The following NRBP1 variants were observed in gnomAD, a reference collection of about 807,000 sequenced individuals.
NRBP1 encodes the protein nuclear receptor-binding protein.
NRBP1 carries 10 observed loss-of-function variants against 76.0 expected under a neutral mutation model. The observed-to-expected ratio is 0.13, with a 90% CI of 0.08 to 0.22. The LOEUF is 0.22. Among genes scored for constraint, NRBP1 ranks in the 10% least tolerant of loss-of-function variants. The pLI is 1.00. For missense variants in NRBP1, 344 were observed against 646.0 expected (o/e 0.53, Z 5.07); for synonymous variants, 235 against 240.2 (o/e 0.98, Z 0.20).
intron 7 of NRBP1, chr2:27,435,898 C>T (rs1173531092): frequency 1.6e-5 from 11 of 672,566 alleles, no homozygotes; most frequent in African/African-American, 7.1e-5. Flanking sequence ...GCCAGCCCTC[C>T]GCCTGCTTGC....
intron 1 of NRBP1, among the ~76,000 whole-genome samples, chr2:27,429,012 C>T (rs1361452715): frequency 7.1e-6 from 1 of 139,930 alleles, no homozygotes; most frequent in African/African-American, 2.5e-5. Flanking sequence ...CTTGGAACTC[C>T]GGCTGCGAGA....
In NRBP1 at chr2:27,436,734, G is replaced by T. The variant is rs1305601177; in HGVS notation, c.662-19G>T. ...TTCATTGATGATGGTCAGATTGTGG[G>T]TGTCTCCCCTACTCCCAGTGGCTCC... On this transcript the variant is annotated intron_variant, in intron 7 of 17. Transcript: ENST00000379852. 6.2e-7 allele frequency: 1 copy of T among 1,604,612 alleles called. No homozygotes were observed. Among genetic ancestry groups the T allele is most frequent in the East Asian group, 2.2e-5 (1 of 44,840 alleles).
At chr2:27,431,374 G>A (rs1664109581) in intron 1 of NRBP1, among the ~76,000 whole-genome samples, 1 of 152,194 alleles carries the variant, frequency 6.6e-6, no homozygotes, top group African/African-American at 2.4e-5. Context: ...TTTGAGCAAT[G>A]TGAATGAAAT....
chr2:27,428,926 G>T (rs1291926076), intron 1 of NRBP1, among the ~76,000 whole-genome samples, 195 bp downstream of exon 1: 2 of 151,992 alleles, frequency 1.3e-5, no homozygotes, highest in Non-Finnish European at 2.9e-5. Context: ...TCGCTGCTTA[G>T]CCCTCCCTGG....
chr2:27,431,546 ATGT>A (rs1464097241), intron 1 of NRBP1: 1 of 152,170 alleles, frequency 6.6e-6, no homozygotes, highest in African/African-American at 2.4e-5. Flanking sequence ...GAAAAAAAAA[ATGT>A]TGTTAACCAA....
Position 27,441,776 on chromosome 2 carries a change from T to C in NRBP1, c.1572T>C (p.Ser524=). 6.2e-7 allele frequency: 1 copy of C among 1,613,744 alleles called. No homozygotes were observed. The highest frequency in any genetic ancestry group is 8.5e-7 in the Non-Finnish European group (1 of 1,179,652). Residue 524 remains serine (S), a synonymous_variant, in exon 18 of 18, where the codon AGT becomes AGC. Transcript: ENST00000379852. The part of the protein sequence containing the change: ...TLNKFNFARN[S]TLNSAAVTVS... The stretch of plus-strand genomic sequence containing the variant: ...ACAAGTTCAATTTTGCCAGGAACAG[T>C]ACCCTCAACTCAGCCGCTGTCACCG...
At chr2:27,432,151 A>C (rs958647080) in intron 1 of NRBP1, among the ~76,000 whole-genome samples, 5 of 152,206 alleles carry the variant, frequency 3.3e-5, no homozygotes, top group African/African-American at 9.6e-5. Flanking sequence ...GCCCGTCCAC[A>C]CATAGCTTAA....
intron 11 of NRBP1, 37 bp from the exon 12 acceptor site, chr2:27,440,366 A>G (rs1387928416): frequency 2.2e-6 from 3 of 1,348,950 alleles, no homozygotes; most frequent in South Asian, 1.2e-5. Context: ...TAATCTGACT[A>G]TCCCTTCATA....
intron 1 of NRBP1, among the ~76,000 whole-genome samples, chr2:27,430,780 G>C (rs1664083498): frequency 6.6e-6 from 1 of 151,964 alleles, no homozygotes; most frequent in African/African-American, 2.4e-5. Context: ...CTTTCATACT[G>C]TAGAGAACTC....
chr2:27,439,855 C>G lies in NRBP1; in HGVS notation c.993C>G (p.Pro331=), dbSNP rs1419594357. 5.6e-6 allele frequency: 9 copies of G among 1,613,996 alleles called. No individual in the cohort carries two copies. Among genetic ancestry groups the G allele is most frequent in the Non-Finnish European group, 6.8e-6 (8 of 1,180,022 alleles). ...TCCACCCAGCATTGTTTGAAGTGCC[C>G]TCGCTCAAACTCCTTGCGGCCCACT... ...LLFHPALFEV[P]SLKLLAAHCI... is the part of the protein sequence containing the mutation. Residue 331 remains proline, a synonymous_variant, in exon 11 of 18, where the codon CCC becomes CCG. Transcript: ENST00000379852.
rs540609991 is a variant in NRBP1, at chr2:27,440,152, C to T, written c.1037-251C>T. On this transcript the variant is annotated intron_variant, in intron 11 of 17. Transcript: ENST00000379852. ...TTAGCCTCCCGAAGAGCTGGGATTA[C>T]AGGCATGTGCCACCATGCCTGGGTA... is the stretch of plus-strand genomic sequence containing the variant. 2.6e-5 allele frequency among the ~76,000 whole-genome samples: 4 copies of T among 151,962 alleles called. No homozygotes were observed. The South Asian group carries it at 8.3e-4, about 32-fold the overall frequency.
chr2:27,441,261 C>A lies in NRBP1; in HGVS notation c.1384-6C>A. 2 of 1,614,106 alleles carry A rather than the reference C, an allele frequency of 1.2e-6. No homozygotes were observed. Among genetic ancestry groups the A allele is most frequent in the African/African-American group, 2.7e-5 (2 of 74,996 alleles). ...AGTCTCATTTTCTGACTGTCCTATT[C>A]TCCAGCTGACACTTCTGCTGAAGTT... On this transcript the variant is annotated splice_polypyrimidine_tract_variant and splice_region_variant and intron_variant, in intron 15 of 17. Coordinates refer to ENST00000379852, the MANE Select transcript of NRBP1 (RefSeq NM_013392.4).
chr2:27,441,474 T>G (rs1026155134), intron 16 of NRBP1, 93 bp from the exon 17 acceptor site: 1 of 1,483,410 alleles, frequency 6.7e-7, no homozygotes, highest in African/African-American at 1.4e-5. Flanking sequence ...AGTGGGTGGA[T>G]CTGACTGACA....
At chr2:27,437,870 C>T (rs116781896) in intron 10 of NRBP1, among the ~76,000 whole-genome samples, 3,788 of 144,252 alleles carry the variant, frequency 0.026, 161 homozygotes, top group African/African-American at 0.092. Flanking sequence ...TAGACTCCGT[C>T]TCAGAAAAAA....
intron 2 of NRBP1, 85 bp from the exon 3 acceptor site, chr2:27,433,588 G>T: frequency 1.2e-6 from 2 of 1,602,708 alleles, no homozygotes; most frequent in Non-Finnish European, 1.7e-6. Flanking sequence ...TAGGTTGGGG[G>T]CTAGGAGGAG....
chr2:27,434,419 G>A (rs947049282), intron 4 of NRBP1, 52 bp from the exon 5 acceptor site: 1 of 1,217,670 alleles, frequency 8.2e-7, no homozygotes, highest in African/African-American at 1.5e-5. Context: ...GTTAACAAGG[G>A]AAGGGATCAT....
Position 27,434,080 on chromosome 2 carries a change from A to G in NRBP1, c.425A>G (p.Asn142Ser). ...AAATATTGGGCTGACATTAAAGAGA[A>G]CAAGGCCAGGGTAAGAATTTTTTCC... ...FHKYWADIKE[N>S]KARVIFITEY... Residue 142 changes from asparagine to serine, a missense_variant, in exon 4 of 18, where the codon AAC becomes AGC. Asn to Ser is a conservative substitution (Grantham distance 46). This residue lies in a region of NRBP1 where 73 missense variants were observed against 287.8 expected (regional missense o/e 0.25). Transcript: ENST00000379852. 1 of 1,613,098 alleles carries G rather than the reference A, an allele frequency of 6.2e-7. No homozygotes were observed. The highest frequency in any genetic ancestry group is 1.3e-5 in the African/African-American group (1 of 75,038).
At chr2:27,429,242 C>T (rs1380700696) in intron 1 of NRBP1, 1 of 152,416 alleles carries the variant, frequency 6.6e-6, no homozygotes, top group East Asian at 1.9e-4. Flanking sequence ...CCGCGGCTGC[C>T]TTCCAGACGC....
chr2:27,437,882 G>T (rs1051620169), intron 10 of NRBP1, among the ~76,000 whole-genome samples: 5 of 136,102 alleles, frequency 3.7e-5, no homozygotes, highest in African/African-American at 1.4e-4. Context: ...CAGAAAAAAA[G>T]AAAAAAAAAA....
Sources: allele counts gnomAD v4.1 joint callset (sites outside exome capture counted in the v4.1 genomes callset), GRCh38; gene constraint gnomAD v4.1.1; regional missense constraint gnomAD v4.1.1; transcripts MANE v1.5; gene names NCBI Gene and HGNC (gene_info 2026-07-23, HGNC 2026-07-21).